Variants in CHN1 observed in about 807,000 individuals in gnomAD.
The protein encoded by CHN1 is chimerin 1, also known as N-chimaerin.
CHN1 carries 37 observed loss-of-function variants against 59.5 expected under a neutral mutation model. The ratio of observed to expected loss-of-function variants is 0.62; its 90% CI spans 0.48 to 0.82. CHN1 has a LOEUF of 0.82. Ranked by LOEUF, CHN1 falls within the 40% of genes least tolerant of loss-of-function variation. CHN1 has a pLI of 0.00. For synonymous variants in CHN1, 206 were observed against 200.4 expected (o/e 1.03, Z -0.24); for missense variants, 469 against 571.0 (o/e 0.82, Z 1.82).
intron 1 of CHN1, among the ~76,000 whole-genome samples, chr2:174,976,126 CAAAAAAAA>C (rs71031078): frequency 2.0e-5 from 1 of 50,182 alleles, no homozygotes; most frequent in African/African-American, 8.9e-5. Context: ...GACTCCGTCT[CAAAAAAAA>C]AAAAAAAAAA....
chr2:174,804,188 G>T (rs1215945494), intron 11 of CHN1, among the ~76,000 whole-genome samples: 3 of 152,238 alleles, frequency 2.0e-5, no homozygotes. Flanking sequence ...AATGAGCCAT[G>T]TGGAGATCTG....
chr2:174,974,492 T>C (rs1192946906), intron 1 of CHN1, among the ~76,000 whole-genome samples: 1 of 152,112 alleles, frequency 6.6e-6, no homozygotes, highest in Non-Finnish European at 1.5e-5. Flanking sequence ...CTTTTACCAG[T>C]CTGCAAGAGA....
At chr2:174,927,529 A>G (rs914771880) in intron 3 of CHN1, among the ~76,000 whole-genome samples, 4 of 152,250 alleles carry the variant, frequency 2.6e-5, no homozygotes, top group Admixed American at 2.6e-4. Flanking sequence ...CAAGAAAAGT[A>G]TTATAAATGT....
chr2:174,943,492 T>C (rs1336286900), intron 3 of CHN1, among the ~76,000 whole-genome samples: 2 of 152,172 alleles, frequency 1.3e-5, no homozygotes, highest in African/African-American at 4.8e-5. Flanking sequence ...CCCAAAGTGC[T>C]TGGATTACAG....
chr2:174,964,000 CTAAGT>C (rs1690510235), intron 1 of CHN1, among the ~76,000 whole-genome samples: 1 of 152,218 alleles, frequency 6.6e-6, no homozygotes, highest in African/African-American at 2.4e-5. Context: ...CAAAATAAGC[CTAAGT>C]TAATTCGTAT....
At chr2:174,813,897 A>T (rs1025776291) in intron 8 of CHN1, among the ~76,000 whole-genome samples, 1 of 152,236 alleles carries the variant, frequency 6.6e-6, no homozygotes, top group African/African-American at 2.4e-5. Flanking sequence ...CAATGCATTC[A>T]GGTGCTTTGA....
chr2:174,978,251 T>C (rs2105446425), intron 1 of CHN1, among the ~76,000 whole-genome samples: 1 of 152,342 alleles, frequency 6.6e-6, no homozygotes, highest in East Asian at 1.9e-4. Flanking sequence ...TTCCCACTCC[T>C]CTAGGTTTTA....
At chr2:174,987,252 C>T (rs1156652281) in intron 1 of CHN1, among the ~76,000 whole-genome samples, 1 of 152,044 alleles carries the variant, frequency 6.6e-6, no homozygotes, top group African/African-American at 2.4e-5. Flanking sequence ...TATCTGCCCT[C>T]CTAAGCATCA....
At chr2:175,004,670 T>C (rs998683138) in intron 1 of CHN1, among the ~76,000 whole-genome samples, 12 of 152,058 alleles carry the variant, frequency 7.9e-5, no homozygotes, top group Non-Finnish European at 1.0e-4. Flanking sequence ...CAGCCGAGAA[T>C]TGGCCAGGGG....
chr2:174,939,873 C>T (rs1689604125), intron 3 of CHN1, among the ~76,000 whole-genome samples: 1 of 151,916 alleles, frequency 6.6e-6, no homozygotes, highest in South Asian at 2.1e-4. Flanking sequence ...AAAAGACAAT[C>T]CCATGAAACT....
intron 1 of CHN1, among the ~76,000 whole-genome samples, chr2:174,997,312 T>A (rs139285782): frequency 6.6e-6 from 1 of 152,186 alleles, no homozygotes; most frequent in South Asian, 2.1e-4. Flanking sequence ...GCTTATGACA[T>A]CACCTCTTAC....
chr2:174,907,565 T>G (rs1419218747), intron 5 of CHN1, among the ~76,000 whole-genome samples: 1 of 152,050 alleles, frequency 6.6e-6, no homozygotes, highest in Non-Finnish European at 1.5e-5. Flanking sequence ...TGACCCAACA[T>G]TGCAACTAAT....
chr2:174,983,698 T>C (rs937063760), intron 1 of CHN1, among the ~76,000 whole-genome samples: 3 of 152,036 alleles, frequency 2.0e-5, no homozygotes, highest in Admixed American at 6.6e-5. Flanking sequence ...CTTGGTGGCA[T>C]GCGCCTGTAG....
At chr2:174,941,461 C>T (rs1189706909) in intron 3 of CHN1, among the ~76,000 whole-genome samples, 2 of 152,060 alleles carry the variant, frequency 1.3e-5, no homozygotes, top group East Asian at 1.9e-4. Context: ...TAATTGTGTC[C>T]CATTCTCCTA....
At chr2:174,819,544 C>T (rs541718955) in intron 8 of CHN1, among the ~76,000 whole-genome samples, 6 of 152,306 alleles carry the variant, frequency 3.9e-5, no homozygotes, top group African/African-American at 1.4e-4. Context: ...GAATGTTTGA[C>T]AGTCTCCATG....
chr2:174,849,509 A>G (rs748986395), intron 6 of CHN1, among the ~76,000 whole-genome samples: 3 of 152,198 alleles, frequency 2.0e-5, no homozygotes, highest in Non-Finnish European at 2.9e-5. Context: ...CTTCTGCATT[A>G]ATTTTGGTGA....
chr2:174,991,243 C>T (rs1362205512), intron 1 of CHN1, among the ~76,000 whole-genome samples: 2 of 152,216 alleles, frequency 1.3e-5, no homozygotes, highest in Non-Finnish European at 2.9e-5. Flanking sequence ...GGCTTCCCTT[C>T]ACCAATTCCT....
intron 5 of CHN1, among the ~76,000 whole-genome samples, chr2:174,908,599 C>T (rs975463882): frequency 5.3e-5 from 8 of 152,148 alleles, no homozygotes; most frequent in African/African-American, 1.9e-4. Context: ...TTCTTCTTCG[C>T]AAAATACTTG....
At chr2:174,810,333 T>C (rs998095656) in intron 10 of CHN1, among the ~76,000 whole-genome samples, 10 of 152,180 alleles carry the variant, frequency 6.6e-5, no homozygotes, top group African/African-American at 2.4e-4. Flanking sequence ...CCCCCAGCAG[T>C]GTGGCTACAG....
Sources: gnomAD v4.1 joint callset for allele counts (sites outside exome capture counted in the v4.1 genomes callset) on GRCh38, gnomAD v4.1.1 for gene constraint, MANE v1.5 for transcripts, NCBI Gene and HGNC (gene_info 2026-07-23, HGNC 2026-07-21) for gene names.